Variants in CHD1 observed in about 807,000 individuals in gnomAD.
The protein encoded by CHD1 is chromodomain helicase DNA binding protein 1, also known as ATP-dependent chromatin remodeler CHD1.
A neutral mutation model predicts 224.2 loss-of-function variants in CHD1; 36 were observed. The observed-to-expected ratio is 0.16, with a 90% CI of 0.12 to 0.21. CHD1 has a LOEUF of 0.21. Among genes scored for constraint, CHD1 ranks in the 10% least tolerant of loss-of-function variants. CHD1 has a pLI of 1.00. For missense variants in CHD1, 1,378 were observed against 1,994.8 expected, an observed-to-expected ratio of 0.69 and a Z score of 5.89; for synonymous variants, 668 against 658.3, an observed-to-expected ratio of 1.01 and a Z score of -0.23.
intron 2 of CHD1, among the ~76,000 whole-genome samples, chr5:98,910,239 A>T (rs1290867088): frequency 6.6e-6 from 1 of 152,152 alleles, no homozygotes; most frequent in African/African-American, 2.4e-5. Flanking sequence ...GTTGGTTGCA[A>T]ATGGCACTAT....
chr5:98,913,291 T>C (rs1187293354), intron 2 of CHD1, among the ~76,000 whole-genome samples: 5 of 152,030 alleles, frequency 3.3e-5, no homozygotes, highest in Non-Finnish European at 7.4e-5. Context: ...GACAACATAA[T>C]GAGATCCCAT....
chr5:98,919,554 A>C (rs948769597), intron 2 of CHD1, among the ~76,000 whole-genome samples: 1 of 152,174 alleles, frequency 6.6e-6, no homozygotes, highest in Non-Finnish European at 1.5e-5. Flanking sequence ...AAAAATTCTA[A>C]AACTGCTTTA....
At position 98,872,175 on chromosome 5, in the gene CHD1, G is replaced by C; in HGVS notation, c.3737C>G (p.Ala1246Gly). 1 of 1,613,670 alleles carries C rather than the reference G, an allele frequency of 6.2e-7. No individual in the cohort carries two copies. Among genetic ancestry groups the C allele is most frequent in the South Asian group, 1.1e-5 (1 of 91,022 alleles). Residue 1246 changes from alanine to glycine, a missense_variant, in exon 28 of 36, where the codon GCA becomes GGA. By Grantham distance (60) the Ala-to-Gly change is moderately conservative. This residue lies in a region of CHD1 where 286 missense variants were observed against 445.1 expected (regional missense o/e 0.64). Transcript: ENST00000614616. ...KQYTIPCHTK[A>G]AHFDIDWGKE... The stretch of plus-strand genomic sequence containing the variant: ...GCCCCAGTCTATATCAAAATGAGCT[G>C]CCTTTGTGTGGCATGGGATAGTATA...
chr5:98,928,589 C>A lies in CHD1; in HGVS notation c.-199G>T, dbSNP rs575479712. 1.3e-5 allele frequency: 2 copies of A among 152,058 alleles called. No individual in the cohort carries two copies. Among genetic ancestry groups the A allele is most frequent in the African/African-American group, 4.8e-5 (2 of 41,370 alleles). The allele number at this position is 152,058 out of a possible 1,614,324, so 9.4% of individuals were successfully genotyped here. ...GCCGACTCGGGTGGACGGCCTCCCCCGCGCCCAGGCCCGGGATCTCCGCCG... is the reference window on the plus strand; with the variant it reads ...GCCGACTCGGGTGGACGGCCTCCCCAGCGCCCAGGCCCGGGATCTCCGCCG... On this transcript the variant is annotated 5_prime_UTR_variant, in exon 1 of 36. Transcript: ENST00000614616.
chr5:98,911,146 A>AAAAAAAAAAAATATATATAT (rs1491111295), intron 2 of CHD1, among the ~76,000 whole-genome samples: 1 of 39,144 alleles, frequency 2.6e-5, no homozygotes, highest in African/African-American at 1.2e-4. Flanking sequence ...AAAAAAAAAA[A>AAAAAAAAAAAATATATATAT]ATATATATAT....
At position 98,869,865 on chromosome 5, in the gene CHD1, TCTC is replaced by T; in HGVS notation, c.3993_3995del (p.Arg1332del). On this transcript the variant is annotated inframe_deletion, in exon 30 of 36. Transcript: ENST00000614616. The stretch of plus-strand genomic sequence containing the variant: ...CTTTATTCTTCTTAGCTCTTGCTTT[TCTC>T]CTCTTTGAACTTCCCTAAAAATCAT... 1 of 1,604,522 alleles carries T rather than the reference TCTC, an allele frequency of 6.2e-7. No homozygotes were observed. Among genetic ancestry groups the T allele is most frequent in the Non-Finnish European group, 8.5e-7 (1 of 1,172,598 alleles).
At chr5:98,911,175 A>ATATATATATATATAT (rs1554081101) in intron 2 of CHD1, among the ~76,000 whole-genome samples, 1 of 138,554 alleles carries the variant, frequency 7.2e-6, no homozygotes, top group African/African-American at 2.7e-5. Context: ...ATATATATAT[A>ATATATATATATATAT]TAGAGGCATG....
intron 2 of CHD1, among the ~76,000 whole-genome samples, chr5:98,921,336 TA>T (rs1304183726): frequency 1.3e-5 from 2 of 152,288 alleles, no homozygotes; most frequent in African/African-American, 4.8e-5. Context: ...AAACCATGTA[TA>T]ACAACATCAA....
chr5:98,876,616 C>A, intron 23 of CHD1, 58 bp from the exon 24 acceptor site: 1 of 1,391,118 alleles, frequency 7.2e-7, no homozygotes, highest in South Asian at 1.3e-5. Context: ...ATCTTAAGAG[C>A]AAAAACCATT....
chr5:98,886,630 C>A (rs555852630), intron 17 of CHD1, among the ~76,000 whole-genome samples: 47 of 151,904 alleles, frequency 3.1e-4, no homozygotes, highest in Admixed American at 1.1e-3. Context: ...TTTAACTCTG[C>A]GAAGAAAAAA....
At chr5:98,869,370 T>G in intron 30 of CHD1, 1 of 563,784 alleles carries the variant, frequency 1.8e-6, no homozygotes, top group Non-Finnish European at 2.3e-6. Flanking sequence ...TGTATGTGGA[T>G]TCTGAAAGAG....
chr5:98,893,062 C>T (rs1167960188), intron 14 of CHD1, among the ~76,000 whole-genome samples: 1 of 152,078 alleles, frequency 6.6e-6, no homozygotes, highest in Non-Finnish European at 1.5e-5. Flanking sequence ...TTAGCCTTGT[C>T]TAGTCTAGTT....
chr5:98,899,808 T>A, intron 7 of CHD1, 103 bp from the exon 8 acceptor site: 1 of 732,988 alleles, frequency 1.4e-6, no homozygotes, highest in Non-Finnish European at 2.2e-6. Context: ...ATATACTCTT[T>A]TAAATAAAGT....
intron 12 of CHD1, among the ~76,000 whole-genome samples, chr5:98,895,520 A>AG (rs1751287952): frequency 6.6e-6 from 1 of 152,296 alleles, no homozygotes; most frequent in Admixed American, 6.5e-5. Context: ...TGGGAGGCCA[A>AG]GGCAGGTGGA....
intron 25 of CHD1, among the ~76,000 whole-genome samples, chr5:98,874,079 G>A (rs1749558807): frequency 9.5e-6 from 1 of 105,464 alleles, no homozygotes; most frequent in Non-Finnish European, 1.8e-5. Context: ...TTTTATTACT[G>A]TGCACCAAAT....
intron 2 of CHD1, among the ~76,000 whole-genome samples, chr5:98,923,583 T>G (rs1753250185): frequency 6.6e-6 from 1 of 151,746 alleles, no homozygotes; most frequent in Non-Finnish European, 1.5e-5. Context: ...CCCAGCTCAT[T>G]TTGTATTTTT....
intron 2 of CHD1, among the ~76,000 whole-genome samples, chr5:98,919,823 C>G (rs750452801): frequency 2.0e-5 from 3 of 152,158 alleles, no homozygotes; most frequent in African/African-American, 4.8e-5. Flanking sequence ...CTAGCTCTGT[C>G]TACTTTGTTC....
chr5:98,868,995 TTTA>T, intron 30 of CHD1: 2 of 825,268 alleles, frequency 2.4e-6, no homozygotes, highest in Non-Finnish European at 2.9e-6. Flanking sequence ...TTCTACATTT[TTTA>T]TTATGATTTG....
intron 2 of CHD1, among the ~76,000 whole-genome samples, chr5:98,911,144 A>ATATATATATATATATACATAT: frequency 1.4e-5 from 1 of 73,750 alleles, no homozygotes; most frequent in East Asian, 3.2e-4. Flanking sequence ...AAAAAAAAAA[A>ATATATATATATATATACATAT]AAATATATAT....
Sources: gnomAD v4.1 joint callset for allele counts (sites outside exome capture counted in the v4.1 genomes callset) on GRCh38, gnomAD v4.1.1 for gene constraint, gnomAD v4.1.1 regional missense constraint, MANE v1.5 for transcripts, NCBI Gene and HGNC (gene_info 2026-07-23, HGNC 2026-07-21) for gene names.